The following HOOK1 variants were observed in gnomAD, a reference collection of about 807,000 sequenced individuals.
HOOK1 encodes protein Hook homolog 1.
A neutral mutation model predicts 112.8 loss-of-function variants in HOOK1; 60 were observed. The ratio of observed to expected loss-of-function variants is 0.53; its 90% CI spans 0.43 to 0.66. HOOK1 has a LOEUF of 0.66. HOOK1 is among the 30% of genes least tolerant of loss of function. HOOK1 has a pLI of 0.00. For synonymous variants in HOOK1, 294 were observed against 283.8 expected (o/e 1.04, Z -0.36); for missense variants, 770 against 856.0 (o/e 0.90, Z 1.25).
At chr1:59,845,072 C>T (rs1021139929) in intron 9 of HOOK1, among the ~76,000 whole-genome samples, 4 of 151,832 alleles carry the variant, frequency 2.6e-5, no homozygotes, top group South Asian at 2.1e-4. Context: ...ACAAATCTAC[C>T]ACTCACAATT....
intron 9 of HOOK1, 102 bp from the exon 10 acceptor site, chr1:59,846,943 G>T: frequency 1.3e-6 from 1 of 756,370 alleles, no homozygotes; most frequent in South Asian, 2.6e-5. Flanking sequence ...TTATTGTGTT[G>T]AGTGTTATAT....
intron 7 of HOOK1, 78 bp downstream of exon 7, chr1:59,837,013 A>G (rs1012309545): frequency 1.8e-5 from 16 of 876,176 alleles, no homozygotes; most frequent in Non-Finnish European, 3.0e-5. Flanking sequence ...TAAGGCTTAC[A>G]AAGAGAGCAT....
chr1:59,822,325 TATC>T (rs2102005025), intron 2 of HOOK1, among the ~76,000 whole-genome samples: 1 of 152,356 alleles, frequency 6.6e-6, no homozygotes, highest in East Asian at 1.9e-4. Context: ...TGGAGATTAT[TATC>T]TTAAAAATTA....
chr1:59,850,697 T>C (rs1347861762), intron 12 of HOOK1, among the ~76,000 whole-genome samples: 1 of 151,578 alleles, frequency 6.6e-6, no homozygotes, highest in Non-Finnish European at 1.5e-5. Context: ...CATGTCATTA[T>C]ACATTCGTGA....
At chr1:59,819,623 G>A (rs769958817) in intron 1 of HOOK1, among the ~76,000 whole-genome samples, 2 of 152,170 alleles carry the variant, frequency 1.3e-5, no homozygotes, top group Non-Finnish European at 2.9e-5. Context: ...TCTGAACATA[G>A]TGGTCATGGA....
rs568028757 is a variant in HOOK1 at position 59,815,062 on chromosome 1, A to G, written c.-56A>G. The stretch of plus-strand genomic sequence containing the variant: ...TCGTGGACGCCGGCTCCTGGAGGAG[A>G]GCCGGTAGGAGGGAGTGTGAAGGTG... On this transcript the variant is annotated 5_prime_UTR_variant, in exon 1 of 22. Coordinates refer to ENST00000371208, the MANE Select transcript of HOOK1 (RefSeq NM_015888.6). 2,716 of 1,372,404 alleles carry G rather than the reference A, an allele frequency of 2.0e-3. 28 individuals carry two copies. In the African/African-American group the frequency reaches 0.039, roughly 20 times the overall value. 85.0% of individuals were successfully genotyped at this position (1,372,404 alleles called of 1,614,324 possible).
chr1:59,830,071 T>C (rs970397712), intron 3 of HOOK1, among the ~76,000 whole-genome samples: 5 of 152,146 alleles, frequency 3.3e-5, no homozygotes, highest in Non-Finnish European at 5.9e-5. Context: ...ATACTCTGTA[T>C]TGAGAAGTTA....
intron 12 of HOOK1, among the ~76,000 whole-genome samples, chr1:59,855,257 T>C (rs2098409860): frequency 6.6e-6 from 1 of 152,190 alleles, no homozygotes; most frequent in Admixed American, 6.5e-5. Context: ...CAGTACCCAG[T>C]AGTTATCTTT....
intron 12 of HOOK1, among the ~76,000 whole-genome samples, chr1:59,858,147 C>T (rs576604174): frequency 6.6e-6 from 1 of 152,278 alleles, no homozygotes; most frequent in South Asian, 2.1e-4. Flanking sequence ...CTTTATGCCT[C>T]CAAAGTCCAT....
intron 12 of HOOK1, among the ~76,000 whole-genome samples, chr1:59,853,737 T>C (rs1212593454): frequency 6.6e-6 from 1 of 151,792 alleles, no homozygotes; most frequent in African/African-American, 2.4e-5. Flanking sequence ...TTACAAGTTT[T>C]TAAAAGCTAT....
rs1337565679 is a variant in HOOK1 at position 59,872,917 on chromosome 1, C to T, written c.2139C>T (p.Asn713=). Residue 713 remains asparagine (N), a synonymous_variant, in exon 22 of 22, where the codon AAC becomes AAT. Coordinates refer to ENST00000371208, the MANE Select transcript of HOOK1 (RefSeq NM_015888.6). ...TAGCGCAGCAACGGCACATCACCAA[C>T]ACCAGAAGAAATCTCTCTGTTAAAG... ...SFLAQQRHIT[N]TRRNLSVKVP... 9.9e-6 allele frequency: 15 copies of T among 1,522,632 alleles called. No individual in the cohort carries two copies. The highest frequency in any genetic ancestry group is 1.3e-5 in the Non-Finnish European group (15 of 1,127,278). The allele number at this position is 1,522,632 out of a possible 1,614,324, so 94.3% of individuals were successfully genotyped here.
intron 13 of HOOK1, 41 bp downstream of exon 13, chr1:59,858,556 C>A: frequency 8.1e-7 from 1 of 1,238,404 alleles, no homozygotes; most frequent in Non-Finnish European, 1.2e-6. Flanking sequence ...GCCTGGGCAG[C>A]ATAGTGGGAC....
At chr1:59,847,631 T>C (rs2098404763) in intron 10 of HOOK1, among the ~76,000 whole-genome samples, 1 of 151,650 alleles carries the variant, frequency 6.6e-6, no homozygotes, top group Non-Finnish European at 1.5e-5. Flanking sequence ...TTTGGCAATA[T>C]AAAGTTTATA....
At chr1:59,826,473 T>C (rs1025652492) in intron 2 of HOOK1, among the ~76,000 whole-genome samples, 2 of 152,232 alleles carry the variant, frequency 1.3e-5, no homozygotes, top group African/African-American at 4.8e-5. Flanking sequence ...GATATATTTT[T>C]ACTAAGTTAG....
At chr1:59,858,654 T>C in intron 13 of HOOK1, 139 bp downstream of exon 13, 2 of 655,964 alleles carry the variant, frequency 3.0e-6, no homozygotes, top group Non-Finnish European at 5.5e-6. Flanking sequence ...GGAGGATCAC[T>C]TGAGCCTAGG....
At chr1:59,855,769 G>C (rs1161515148) in intron 12 of HOOK1, among the ~76,000 whole-genome samples, 1 of 149,774 alleles carries the variant, frequency 6.7e-6, no homozygotes, top group Non-Finnish European at 1.5e-5. Flanking sequence ...AGCCCATCTA[G>C]TTATTTTATT....
chr1:59,871,098 G>A lies in HOOK1; in HGVS notation c.2004G>A (p.Ala668=), dbSNP rs75515376. ...RDYEEKLIVS[A]WYNKSLAFQK... is the part of the protein sequence containing the mutation. Reference sequence around the variant, plus strand: ...ATGAAGAAAAACTCATTGTTTCTGCGTGGTATAATAAGGTGAGCTGAAGTT... The same window carrying A: ...ATGAAGAAAAACTCATTGTTTCTGCATGGTATAATAAGGTGAGCTGAAGTT... Residue 668 remains alanine (A), a synonymous_variant, in exon 21 of 22, where the codon GCG becomes GCA. Coordinates refer to ENST00000371208, the MANE Select transcript of HOOK1 (RefSeq NM_015888.6). 9.2e-4 allele frequency: 1,484 copies of A among 1,611,200 alleles called. 12 individuals are homozygous for A. In the African/African-American group the frequency reaches 0.018, roughly 19 times the overall value.
At chr1:59,847,509 T>A (rs946438022) in intron 10 of HOOK1, among the ~76,000 whole-genome samples, 2 of 151,606 alleles carry the variant, frequency 1.3e-5, no homozygotes. Flanking sequence ...TTGTGAAATT[T>A]TTGTGTAAGG....
intron 6 of HOOK1, 32 bp from the exon 7 acceptor site, chr1:59,836,841 T>C: frequency 8.4e-7 from 1 of 1,188,248 alleles, no homozygotes; most frequent in Non-Finnish European, 1.2e-6. Flanking sequence ...CATCACATTG[T>C]TATACTTAAT....
Sources: gnomAD v4.1 joint callset for allele counts (sites outside exome capture counted in the v4.1 genomes callset) on GRCh38, gnomAD v4.1.1 for gene constraint, MANE v1.5 for transcripts, NCBI Gene and HGNC (gene_info 2026-07-23, HGNC 2026-07-21) for gene names.